The following PM20D1 variants were observed in gnomAD, a reference collection of about 807,000 sequenced individuals.
The protein encoded by PM20D1 is peptidase M20 domain containing 1, also known as N-fatty-acyl-amino acid synthase/hydrolase PM20D1.
PM20D1 carries 53 observed loss-of-function variants against 53.8 expected under a neutral mutation model. That is an observed-to-expected ratio of 0.98 (90% confidence interval 0.79 to 1.24). PM20D1 has a LOEUF of 1.24. Among genes scored for constraint, PM20D1 ranks in the 50% most tolerant of loss-of-function variants. The probability of loss-of-function intolerance (pLI) is 0.00; values close to 1 mark genes in which losing one functional copy is unlikely to be tolerated. For missense variants in PM20D1, 564 were observed against 616.8 expected (o/e 0.91, Z 0.91); for synonymous variants, 239 against 241.3 (o/e 0.99, Z 0.09).
chr1:205,841,661 A>G (rs1326654923), intron 9 of PM20D1, 150 bp downstream of exon 9: 1 of 770,948 alleles, frequency 1.3e-6, no homozygotes, highest in Non-Finnish European at 2.1e-6. Flanking sequence ...ACTCCCTTCA[A>G]GATTTCAGAA....
In PM20D1 at chr1:205,849,998, C is replaced by G; in HGVS notation, c.75G>C (p.Ser25=). 1 of 1,614,136 alleles carries G rather than the reference C, an allele frequency of 6.2e-7. No individual in the cohort carries two copies. The highest frequency in any genetic ancestry group is 8.5e-7 in the Non-Finnish European group (1 of 1,180,002). Residue 25 remains serine, a synonymous_variant, in exon 1 of 13, where the codon TCG becomes TCC. Transcript: ENST00000367136. ...LLLVFPTVSR[S]MGPRSGEHQR... is the part of the protein sequence containing the mutation. Reference sequence around the variant, plus strand: ...GATGCTCCCCGCTCCTCGGGCCCATCGATCTGGAGACGGTAGGGAAAACTA... The same window carrying G: ...GATGCTCCCCGCTCCTCGGGCCCATGGATCTGGAGACGGTAGGGAAAACTA...
chr1:205,835,411 T>C (rs1049665638), intron 10 of PM20D1, among the ~76,000 whole-genome samples: 18 of 152,140 alleles, frequency 1.2e-4, no homozygotes, highest in Admixed American at 5.2e-4. Flanking sequence ...TGACCATTAC[T>C]GGAGTTAATA....
Position 205,841,829 on chromosome 1 carries a change from T to C in PM20D1, c.1026A>G (p.Ile342Met). The C allele has an allele frequency of 6.4e-7, 1 of 1,569,686 alleles. No homozygotes were observed. The highest frequency in any genetic ancestry group is 8.7e-7 in the Non-Finnish European group (1 of 1,154,430). The change falls in exon 9 of 13, where the codon ATA (isoleucine) becomes ATG (methionine). Residue 342 changes from isoleucine (I) to methionine (M), a missense_variant. Ile to Met is a conservative substitution (Grantham distance 10). Coordinates refer to ENST00000367136, the MANE Select transcript of PM20D1 (RefSeq NM_152491.5). Reference sequence around the variant, plus strand: ...ATGTTACCTTGACCCCTGCTTTGAATATGGTGAGTGCCGTGGTGGTCCTGA... The same window carrying C: ...ATGTTACCTTGACCCCTGCTTTGAACATGGTGAGTGCCGTGGTGGTCCTGA... The part of the protein sequence containing the change: ...AIIRTTTALT[I>M]FKAGVKFNVI...
intron 11 of PM20D1, among the ~76,000 whole-genome samples, chr1:205,830,954 A>G (rs750502255): frequency 6.6e-6 from 1 of 152,160 alleles, no homozygotes; most frequent in Non-Finnish European, 1.5e-5. Flanking sequence ...ATTCTGTATC[A>G]CTCTAGGTCA....
In PM20D1 at chr1:205,828,728, G is replaced by T. The variant is rs200138306; in HGVS notation, c.1401C>A (p.Asn467Lys). The change falls in exon 13 of 13, where the codon AAC (asparagine) becomes AAA (lysine). Residue 467 changes from asparagine (N) to lysine (K), a missense_variant. Asn to Lys is a moderately conservative substitution (Grantham distance 94, BLOSUM62 0). Transcript: ENST00000367136. ...PEDFKRIHGV[N>K]EKISVQAYET... ...CATAGGCTTGGACTGAGATTTTCTC[G>T]TTGACTCCATGGATGCTGAGGAAAG... The T allele has an allele frequency of 2.3e-5, 37 of 1,614,018 alleles. No individual in the cohort carries two copies. The East Asian group carries it at 8.2e-4, about 36-fold the overall frequency.
chr1:205,845,351 T>C lies in PM20D1; in HGVS notation c.463A>G (p.Thr155Ala), dbSNP rs1166512432. 1 of 1,614,084 alleles carries C rather than the reference T, an allele frequency of 6.2e-7. No individual in the cohort carries two copies. The highest frequency in any genetic ancestry group is 2.2e-5 in the East Asian group (1 of 44,874). ...ERDGIIYGRG[T>A]LDDKNSVMAL... ...ATCACAGAGTTCTTGTCGTCCAGTG[T>C]GCCCCGACCATAGATGATGCCATCA... The change falls in exon 3 of 13, where the codon ACA (threonine) becomes GCA (alanine). Residue 155 changes from threonine (T) to alanine (A), a missense_variant. Thr to Ala is a moderately conservative substitution (Grantham distance 58). Transcript: ENST00000367136.
At chr1:205,845,625 G>C (rs1055134555) in intron 2 of PM20D1, 68 bp from the exon 3 acceptor site, 1 of 1,331,914 alleles carries the variant, frequency 7.5e-7, no homozygotes. Flanking sequence ...CTACCAAGTT[G>C]TGCTTCCTGT....
intron 10 of PM20D1, among the ~76,000 whole-genome samples, chr1:205,839,568 G>C (rs530873424): frequency 6.6e-6 from 1 of 151,994 alleles, no homozygotes; most frequent in African/African-American, 2.4e-5. Flanking sequence ...AAATATGGCT[G>C]GGTGTGGTGG....
intron 12 of PM20D1, chr1:205,830,039 A>G (rs771630746): frequency 1.3e-4 from 52 of 411,268 alleles, no homozygotes; most frequent in Admixed American, 1.9e-4. Context: ...GTTCTCCCCA[A>G]TCACCCAATT....
At chr1:205,843,098 C>T (rs1281157549) in intron 6 of PM20D1, among the ~76,000 whole-genome samples, 3 of 152,176 alleles carry the variant, frequency 2.0e-5, no homozygotes, top group African/African-American at 4.8e-5. Context: ...TAAGAAAACC[C>T]AGCCAGGAGT....
chr1:205,835,942 C>A (rs1310463690), intron 10 of PM20D1, among the ~76,000 whole-genome samples: 1 of 151,894 alleles, frequency 6.6e-6, no homozygotes, highest in Non-Finnish European at 1.5e-5. Flanking sequence ...ATGGTGTGAT[C>A]TTGGCTCACT....
Position 205,845,493 on chromosome 1 carries a change from C to G in PM20D1, c.321G>C (p.Leu107=), listed in dbSNP as rs760989594. ...QHEVVEEYSH[L]FTIQGSDPSL... Reference sequence around the variant, plus strand: ...TGGGGTCCGAGCCTTGGATAGTGAACAGGTGGCTATACTCTTCCACGACTT... The same window carrying G: ...TGGGGTCCGAGCCTTGGATAGTGAAGAGGTGGCTATACTCTTCCACGACTT... The change falls in exon 3 of 13, where the codon CTG becomes CTC. Residue 107 remains leucine, a synonymous_variant. Transcript: ENST00000367136. The G allele has an allele frequency of 6.2e-7, 1 of 1,614,214 alleles. No individual in the cohort carries two copies.
Position 205,832,727 on chromosome 1 carries a change from C to T in PM20D1, c.1156G>A (p.Val386Ile). Reference sequence around the variant, plus strand: ...AAGGCACTCAACACATGGAACTGGACTCTGTTATCAGCCACAATGTTCTTC... The same window carrying T: ...AAGGCACTCAACACATGGAACTGGATTCTGTTATCAGCCACAATGTTCTTC... Reference protein sequence around the residue: ...LTKNIVADNRVQFHVLSAFDP... With the variant: ...LTKNIVADNRIQFHVLSAFDP... Residue 386 changes from valine to isoleucine, a missense_variant, in exon 11 of 13, where the codon GTC becomes ATC. Physicochemically the swap from Val to Ile is conservative, Grantham distance 29. Coordinates refer to ENST00000367136, the MANE Select transcript of PM20D1 (RefSeq NM_152491.5). 6.2e-7 allele frequency: 1 copy of T among 1,611,944 alleles called. No homozygotes were observed. Among genetic ancestry groups the T allele is most frequent in the African/African-American group, 1.3e-5 (1 of 74,954 alleles).
chr1:205,832,059 T>G (rs1355486412), intron 11 of PM20D1, among the ~76,000 whole-genome samples: 3 of 152,188 alleles, frequency 2.0e-5, no homozygotes, highest in Non-Finnish European at 4.4e-5. Flanking sequence ...GGGAGACCTA[T>G]TCCACTCTTA....
At chr1:205,844,706 TATCATGGAGA>T (rs879380577) in intron 4 of PM20D1, 95 bp downstream of exon 4, 1 of 995,324 alleles carries the variant, frequency 1.0e-6, no homozygotes, top group Non-Finnish European at 1.5e-6. Flanking sequence ...CAAACTACCG[TATCATGGAGA>T]CCTTGCTGCT....
At chr1:205,829,244 G>C (rs1361807169) in intron 12 of PM20D1, among the ~76,000 whole-genome samples, 1 of 152,064 alleles carries the variant, frequency 6.6e-6, no homozygotes, top group Non-Finnish European at 1.5e-5. Context: ...GCCCAGGCTG[G>C]TCTCAAACTT....
chr1:205,831,283 C>G (rs1427997149), intron 11 of PM20D1, among the ~76,000 whole-genome samples: 4 of 152,216 alleles, frequency 2.6e-5, no homozygotes, highest in Admixed American at 2.6e-4. Flanking sequence ...AAATGGACAT[C>G]CAGGCCCTTC....
At chr1:205,836,974 A>G (rs1656699238) in intron 10 of PM20D1, among the ~76,000 whole-genome samples, 1 of 152,208 alleles carries the variant, frequency 6.6e-6, no homozygotes, top group African/African-American at 2.4e-5. Flanking sequence ...GCTCCTCCTC[A>G]GAGAGGGCTT....
intron 10 of PM20D1, among the ~76,000 whole-genome samples, chr1:205,839,208 A>G (rs887912222): frequency 2.0e-5 from 3 of 152,170 alleles, no homozygotes; most frequent in Non-Finnish European, 4.4e-5. Flanking sequence ...AGTTTATTCT[A>G]TTCGTTAAGC....
Sources: allele counts gnomAD v4.1 joint callset (sites outside exome capture counted in the v4.1 genomes callset), GRCh38; gene constraint gnomAD v4.1.1; transcripts MANE v1.5; gene names NCBI Gene and HGNC (gene_info 2026-07-23, HGNC 2026-07-21).